CCDC69: variants seen among roughly 807,000 people sequenced by gnomAD.
CCDC69 encodes coiled-coil domain containing 69.
In CCDC69, 38 loss-of-function variants were observed where a neutral mutation model predicts 40.3. The observed-to-expected ratio is 0.94, with a 90% CI of 0.73 to 1.24. The LOEUF (loss-of-function observed/expected upper bound fraction) is 1.24, where lower values mean the gene tolerates loss of function less well. CCDC69 is among the 50% of genes most tolerant of loss of function. The probability of loss-of-function intolerance (pLI) is 0.00; values close to 1 mark genes in which losing one functional copy is unlikely to be tolerated. For missense variants in CCDC69, 389 were observed against 357.9 expected (o/e 1.09, Z -0.70); for synonymous variants, 141 against 138.9 (o/e 1.02, Z -0.11).
chr5:151,222,852 G>A (rs576627826), intron 1 of CCDC69, among the ~76,000 whole-genome samples: 1 of 152,306 alleles, frequency 6.6e-6, no homozygotes, highest in Admixed American at 6.5e-5. Context: ...TGTCAGAGAA[G>A]GGAGTAGAAT....
At chr5:151,183,694 C>T in intron 8 of CCDC69, 80 bp from the exon 9 acceptor site, 1 of 1,312,392 alleles carries the variant, frequency 7.6e-7, no homozygotes, top group Non-Finnish European at 1.0e-6. Context: ...AGGAAGCCTT[C>T]CTTAGATGGA....
At chr5:151,183,759 G>T in intron 8 of CCDC69, 145 bp from the exon 9 acceptor site, 1 of 695,540 alleles carries the variant, frequency 1.4e-6, no homozygotes. Flanking sequence ...GTATACAAGA[G>T]GCAATTCAAT....
At chr5:151,218,961 T>C (rs1047836208) in intron 1 of CCDC69, among the ~76,000 whole-genome samples, 11 of 152,166 alleles carry the variant, frequency 7.2e-5, no homozygotes, top group African/African-American at 2.7e-4. Context: ...TCTAGTGTGT[T>C]TTAGGTTGCC....
chr5:151,209,453 C>T (rs1472481217), intron 1 of CCDC69, among the ~76,000 whole-genome samples: 1 of 152,224 alleles, frequency 6.6e-6, no homozygotes, highest in Non-Finnish European at 1.5e-5. Context: ...TTTCAGACCA[C>T]AGGCAGCACG....
At position 151,223,951 on chromosome 5, in the gene CCDC69, C is replaced by T. The variant is rs758137172; in HGVS notation, c.20G>A (p.Arg7Lys). MGCRHSRLSSCKPPKKK... is the reference protein window; with the variant it reads MGCRHSKLSSCKPPKKK... Reference sequence around the variant, plus strand: ...TTTCGGGGGTTTGCAGCTGCTCAGCCTGCTGTGTCTGCAGCCCATCCTCCT... The same window carrying T: ...TTTCGGGGGTTTGCAGCTGCTCAGCTTGCTGTGTCTGCAGCCCATCCTCCT... The change falls in exon 1 of 9, where the codon AGG becomes AAG. Residue 7 changes from arginine to lysine, a missense_variant. By Grantham distance (26) the Arg-to-Lys change is conservative. Coordinates refer to ENST00000355417, the MANE Select transcript of CCDC69 (RefSeq NM_015621.3). The T allele has an allele frequency of 1.4e-5, 22 of 1,575,330 alleles. No individual in the cohort carries two copies. The highest frequency in any genetic ancestry group is 1.6e-5 in the Non-Finnish European group (19 of 1,164,398).
intron 2 of CCDC69, among the ~76,000 whole-genome samples, chr5:151,204,961 C>T (rs1283529440): frequency 6.6e-6 from 1 of 151,952 alleles, no homozygotes; most frequent in African/African-American, 2.4e-5. Flanking sequence ...ATCCTGTCAC[C>T]CAGGTACTAA....
At chr5:151,216,590 A>G (rs888742863) in intron 1 of CCDC69, among the ~76,000 whole-genome samples, 1 of 150,808 alleles carries the variant, frequency 6.6e-6, no homozygotes, top group Non-Finnish European at 1.5e-5. Context: ...TAATTTTTGT[A>G]TTTTTAGTAG....
At chr5:151,213,407 C>T (rs1471200927) in intron 1 of CCDC69, among the ~76,000 whole-genome samples, 14 of 128,742 alleles carry the variant, frequency 1.1e-4, no homozygotes, top group Admixed American at 3.0e-4. Flanking sequence ...CCACCATGTC[C>T]GGCTATTTTT....
Position 151,199,014 on chromosome 5 carries a change from T to C in CCDC69, c.302A>G (p.Asn101Ser). The change falls in exon 4 of 9, where the codon AAT becomes AGT. Residue 101 changes from asparagine (N) to serine (S), a missense_variant. By Grantham distance (46) the Asn-to-Ser change is conservative. Coordinates refer to ENST00000355417, the MANE Select transcript of CCDC69 (RefSeq NM_015621.3). ...ACCCTTACCTTGCAGGGCCTCTTCA[T>C]TCTTTCCTTCCAGGACCCTTTGCTG... is the stretch of plus-strand genomic sequence containing the variant. ...DEQQRVLEGK[N>S]EEALQVLRAS... 2 of 1,614,070 alleles carry C rather than the reference T, an allele frequency of 1.2e-6. No homozygotes were observed. The highest frequency in any genetic ancestry group is 1.7e-6 in the Non-Finnish European group (2 of 1,179,924).
At chr5:151,195,544 C>A (rs1271480028) in intron 4 of CCDC69, among the ~76,000 whole-genome samples, 2 of 151,960 alleles carry the variant, frequency 1.3e-5, no homozygotes, top group South Asian at 2.1e-4. Context: ...CATGGTGAAA[C>A]CCTGTCTCTA....
Position 151,199,070 on chromosome 5 carries a change from C to A in CCDC69, c.246G>T (p.Arg82Ser). Residue 82 changes from arginine (R) to serine (S), a missense_variant, in exon 4 of 9, where the codon AGG becomes AGT. Transcript: ENST00000355417. Reference sequence around the variant, plus strand: ...CCAGTCTGTCTCGAAGCTCTAGCTCCCTTTCCTTCTCCACCTGGGGGCAGA... The same window carrying A: ...CCAGTCTGTCTCGAAGCTCTAGCTCACTTTCCTTCTCCACCTGGGGGCAGA... ...KKWAQQVEKERELELRDRLDE... is the reference protein window; with the variant it reads ...KKWAQQVEKESELELRDRLDE... 1 of 1,613,942 alleles carries A rather than the reference C, an allele frequency of 6.2e-7. No homozygotes were observed. Among genetic ancestry groups the A allele is most frequent in the Non-Finnish European group, 8.5e-7 (1 of 1,179,924 alleles).
At chr5:151,209,376 T>C (rs983340651) in intron 1 of CCDC69, among the ~76,000 whole-genome samples, 4 of 152,238 alleles carry the variant, frequency 2.6e-5, no homozygotes, top group Non-Finnish European at 5.9e-5. Context: ...CATAATCTCA[T>C]GAAATGCTGC....
intron 4 of CCDC69, among the ~76,000 whole-genome samples, chr5:151,197,183 T>C (rs987049525): frequency 4.6e-5 from 7 of 152,338 alleles, no homozygotes; most frequent in African/African-American, 1.7e-4. Context: ...GACAAGGCCA[T>C]AGAGACAGAC....
intron 4 of CCDC69, among the ~76,000 whole-genome samples, chr5:151,194,422 T>C (rs563946079): frequency 5.3e-5 from 8 of 152,362 alleles, no homozygotes; most frequent in African/African-American, 1.7e-4. Context: ...TAAAAAATCA[T>C]ATTGTATTAT....
chr5:151,190,025 G>T (rs969080283), intron 4 of CCDC69, among the ~76,000 whole-genome samples: 1 of 152,162 alleles, frequency 6.6e-6, no homozygotes, highest in Non-Finnish European at 1.5e-5. Context: ...ATTAAATCGA[G>T]ACATTCTCAG....
At chr5:151,211,403 C>T (rs1391626829) in intron 1 of CCDC69, among the ~76,000 whole-genome samples, 2 of 151,812 alleles carry the variant, frequency 1.3e-5, no homozygotes, top group East Asian at 3.9e-4. Context: ...AACAGTATTT[C>T]TTAGGAATGT....
At chr5:151,201,550 G>C in intron 3 of CCDC69, 32 bp downstream of exon 3, 1 of 1,466,394 alleles carries the variant, frequency 6.8e-7, no homozygotes, top group South Asian at 1.2e-5. Context: ...CTGAGCAGGA[G>C]AAAGACAGGG....
intron 2 of CCDC69, 127 bp downstream of exon 2, chr5:151,205,273 G>T: frequency 1.3e-6 from 1 of 792,608 alleles, no homozygotes; most frequent in South Asian, 1.5e-5. Context: ...TTTTAGACAC[G>T]ATACTCCTAT....
At chr5:151,211,088 T>C (rs947584546) in intron 1 of CCDC69, 2 of 152,240 alleles carry the variant, frequency 1.3e-5, no homozygotes, top group Non-Finnish European at 2.9e-5. Context: ...GTGCTACCTA[T>C]TACATGCCTG....
Sources: gnomAD v4.1 joint callset for allele counts (sites outside exome capture counted in the v4.1 genomes callset) on GRCh38, gnomAD v4.1.1 for gene constraint, MANE v1.5 for transcripts, NCBI Gene and HGNC (gene_info 2026-07-23, HGNC 2026-07-21) for gene names.